ZNF782: variants seen among roughly 807,000 people sequenced by gnomAD.
The protein encoded by ZNF782 is zinc finger protein 782.
ZNF782 carries 12 observed loss-of-function variants against 13.0 expected under a neutral mutation model. The observed-to-expected ratio is 0.92, with a 90% confidence interval of 0.59 to 1.50. The LOEUF (loss-of-function observed/expected upper bound fraction) is 1.50. Ranked by LOEUF, ZNF782 falls within the 40% of genes most tolerant of loss-of-function variation. The pLI is 0.00. For missense variants in ZNF782, 770 were observed against 822.9 expected (o/e 0.94, Z 0.79); for synonymous variants, 284 against 283.0 (o/e 1.00, Z -0.04).
intron 3 of ZNF782, among the ~76,000 whole-genome samples, chr9:96,848,016 T>C (rs561739433): frequency 1.1e-3 from 161 of 152,270 alleles, no homozygotes; most frequent in Non-Finnish European, 2.0e-3. Context: ...GTTTAACATA[T>C]GCAAGTAAAT....
chr9:96,853,384 G>A (rs1455253665), intron 1 of ZNF782, among the ~76,000 whole-genome samples: 1 of 152,126 alleles, frequency 6.6e-6, no homozygotes, highest in African/African-American at 2.4e-5. Flanking sequence ...AAGCTCGGGA[G>A]GGAGGCCTAG....
At chr9:96,891,150 TGGGTACA>T in the ZNF782 span, 5 of 152,226 alleles carry the variant, frequency 3.3e-5, no homozygotes, top group Non-Finnish European at 7.3e-5. Flanking sequence ...TATTGCTCTT[TGGGTACA>T]GGGCTTCTGT....
Position 96,872,305 on chromosome 9 carries a change from G to A in ZNF782, c.-457+3163C>T, listed in dbSNP as rs147401882. 6.8e-3 allele frequency among the ~76,000 whole-genome samples: 1,037 copies of A among 152,262 alleles called. 11 individuals are homozygous for A. The highest frequency in any genetic ancestry group is 0.023 in the African/African-American group (971 of 41,538). ...CCTAGCACTTTGGGAGGCCAAGGCA[G>A]GTAGTTCAGAAGGTCGGGAGTTCAA... On this transcript the variant is annotated intron_variant, in intron 1 of 5. Coordinates refer to the ZNF782 transcript ENST00000498811.
chr9:96,882,708 G>C, the ZNF782 span, among the ~76,000 whole-genome samples: 1 of 152,170 alleles, frequency 6.6e-6, no homozygotes, highest in Non-Finnish European at 1.5e-5. Flanking sequence ...AGCATTCCAT[G>C]ATTGTTTTAA....
chr9:96,836,262 G>A (rs1028375808), intron 4 of ZNF782, among the ~76,000 whole-genome samples: 3 of 151,070 alleles, frequency 2.0e-5, no homozygotes, highest in African/African-American at 7.3e-5. Context: ...GCCCAGGCTG[G>A]AGTGCAATGG....
At chr9:96,890,945 C>T in the ZNF782 span, 2 of 152,156 alleles carry the variant, frequency 1.3e-5, no homozygotes, top group African/African-American at 2.4e-5. Flanking sequence ...GAACATTACT[C>T]CACCTGAAAA....
At chr9:96,866,165 T>C (rs920771555) in intron 1 of ZNF782, among the ~76,000 whole-genome samples, 1 of 152,062 alleles carries the variant, frequency 6.6e-6, no homozygotes, top group African/African-American at 2.4e-5. Flanking sequence ...ACAGGGAAAA[T>C]GTCTCCAGGG....
At chr9:96,822,946 T>C (rs1475099661) in intron 5 of ZNF782, among the ~76,000 whole-genome samples, 3 of 152,348 alleles carry the variant, frequency 2.0e-5, no homozygotes, top group African/African-American at 7.2e-5. Context: ...TGTGGATTTA[T>C]TCATTTTTGC....
At chr9:96,868,858 A>C (rs1177578903) in intron 1 of ZNF782, among the ~76,000 whole-genome samples, 1 of 152,194 alleles carries the variant, frequency 6.6e-6, no homozygotes, top group African/African-American at 2.4e-5. Flanking sequence ...CAGTTGACTA[A>C]CATTGTCCTG....
At chr9:96,836,272 G>T (rs954029725) in intron 4 of ZNF782, among the ~76,000 whole-genome samples, 1 of 151,076 alleles carries the variant, frequency 6.6e-6, no homozygotes, top group Non-Finnish European at 1.5e-5. Flanking sequence ...GAGTGCAATG[G>T]TCTGATCTCA....
chr9:96,855,586 A>G (rs2118845609), upstream of ZNF782, among the ~76,000 whole-genome samples: 1 of 152,346 alleles, frequency 6.6e-6, no homozygotes, highest in South Asian at 2.1e-4. Flanking sequence ...AATGCCATTA[A>G]TTCATTCCTT....
chr9:96,914,131 T>C, the ZNF782 span, among the ~76,000 whole-genome samples: 1 of 151,462 alleles, frequency 6.6e-6, no homozygotes, highest in South Asian at 2.1e-4. Flanking sequence ...TTATGTTATT[T>C]TATTTTCCAA....
intron 4 of ZNF782, among the ~76,000 whole-genome samples, chr9:96,844,417 T>C (rs1851282929): frequency 6.6e-6 from 1 of 152,156 alleles, no homozygotes. Context: ...GATAAAATAA[T>C]TAACCACTTA....
At chr9:96,917,887 C>CGTGTGTGTGTCTGTGTGTGT in the ZNF782 span, among the ~76,000 whole-genome samples, 53 of 121,716 alleles carry the variant, frequency 4.4e-4, 1 homozygote, top group South Asian at 3.2e-3. Flanking sequence ...CCACCCTTGG[C>CGTGTGTGTGTCTGTGTGTGT]GTGTGTGTGT....
the ZNF782 span, among the ~76,000 whole-genome samples, chr9:96,883,758 A>C: frequency 0.066 from 10,072 of 152,256 alleles, 997 homozygotes; most frequent in African/African-American, 0.22. Context: ...ACAAAACAAT[A>C]AACAAGCATA....
the ZNF782 span, among the ~76,000 whole-genome samples, chr9:96,883,946 T>C: frequency 1.3e-5 from 2 of 152,298 alleles, no homozygotes; most frequent in Middle Eastern, 3.4e-3. Context: ...ACAAAAGCCT[T>C]AAGAAAAGTG....
At chr9:96,820,687 T>A (rs1037031836) in intron 5 of ZNF782, among the ~76,000 whole-genome samples, 1 of 152,044 alleles carries the variant, frequency 6.6e-6, no homozygotes, top group Non-Finnish European at 1.5e-5. Flanking sequence ...GTAGCTGGGA[T>A]TACAGGCATG....
At position 96,816,760 on chromosome 9, in the gene ZNF782, T is replaced by A. The variant is rs1850186486; in HGVS notation, c.*1163A>T. The A allele has an allele frequency of 6.6e-6, 1 of 152,200 alleles. No individual in the cohort carries two copies. Among genetic ancestry groups the A allele is most frequent in the Admixed American group, 6.5e-5 (1 of 15,270 alleles). 9.4% of individuals were successfully genotyped at this position (152,200 alleles called of 1,614,324 possible). Reference sequence around the variant, plus strand: ...ATGTGTGAGTGTGTGTCTGTGTGTGTGAAGAATTTCCTATATTTGTTAAAA... The same window carrying A: ...ATGTGTGAGTGTGTGTCTGTGTGTGAGAAGAATTTCCTATATTTGTTAAAA... On this transcript the variant is annotated 3_prime_UTR_variant, in exon 6 of 6. Transcript: ENST00000481138.
the ZNF782 span, among the ~76,000 whole-genome samples, chr9:96,912,877 G>C: frequency 4.5e-3 from 677 of 151,108 alleles, no homozygotes; most frequent in African/African-American, 0.015. Context: ...TTTTTGGCCT[G>C]TTTGATATAT....
Sources: allele counts gnomAD v4.1 joint callset (sites outside exome capture counted in the v4.1 genomes callset), GRCh38; gene constraint gnomAD v4.1.1; transcripts MANE v1.5; gene names NCBI Gene and HGNC (gene_info 2026-07-23, HGNC 2026-07-21).